Variants in PSMG2 observed in about 807,000 individuals in gnomAD.
PSMG2 encodes proteasome assembly chaperone 2.
A neutral mutation model predicts 31.5 loss-of-function variants in PSMG2; 21 were observed. The observed-to-expected ratio is 0.67, with a 90% CI of 0.47 to 0.96. The LOEUF is 0.96. Ranked by LOEUF, PSMG2 falls within the 40% of genes least tolerant of loss-of-function variation. The pLI is 0.00. For synonymous variants in PSMG2, 120 were observed against 110.4 expected, an observed-to-expected ratio of 1.09 and a Z score of -0.54; for missense variants, 318 against 321.2, an observed-to-expected ratio of 0.99 and a Z score of 0.08.
Position 12,706,585 on chromosome 18 carries a change from A to G in PSMG2, c.93A>G (p.Ala31=), listed in dbSNP as rs2040270936. Residue 31 remains alanine, a synonymous_variant, in exon 2 of 7, where the codon GCA becomes GCG. Transcript: ENST00000317615. ...AVSVGNVGQL[A]MDLIISTLNM... is the part of the protein sequence containing the mutation. ...CTGTTGGAAATGTTGGCCAGCTTGC[A>G]ATGGATCTGATTATTTCTACACTGA... 6.2e-7 allele frequency: 1 copy of G among 1,614,136 alleles called. No individual in the cohort carries two copies. The highest frequency in any genetic ancestry group is 1.1e-5 in the South Asian group (1 of 91,046).
chr18:12,724,574 T>A lies in PSMG2; in HGVS notation c.657T>A (p.Gly219=). The A allele has an allele frequency of 6.2e-7, 1 of 1,611,516 alleles. No individual in the cohort carries two copies. Among genetic ancestry groups the A allele is most frequent in the South Asian group, 1.1e-5 (1 of 90,470 alleles). The change falls in exon 6 of 7, where the codon GGT becomes GGA. Residue 219 remains glycine (G), a synonymous_variant. Coordinates refer to ENST00000317615, the MANE Select transcript of PSMG2 (RefSeq NM_020232.5). ...SEGDNIPDAL[G]LVEYLNEWLQ... ...GGGACAACATCCCAGATGCATTAGG[T>A]CTTGTTGAGTATCTTAATGAGTGGC...
intron 1 of PSMG2, among the ~76,000 whole-genome samples, chr18:12,674,260 G>A (rs1048730194): frequency 2.6e-5 from 4 of 151,830 alleles, no homozygotes; most frequent in African/African-American, 9.7e-5. Flanking sequence ...AACATAGGAA[G>A]ACCCCCATCT....
intron 4 of PSMG2, 115 bp from the exon 5 acceptor site, chr18:12,720,395 C>A: frequency 1.2e-6 from 1 of 810,640 alleles, no homozygotes. Flanking sequence ...CTTAAGTCTG[C>A]TGAAACTTGT....
At chr18:12,665,754 T>C (rs1451191644) in intron 1 of PSMG2, among the ~76,000 whole-genome samples, 1 of 152,170 alleles carries the variant, frequency 6.6e-6, no homozygotes, top group Non-Finnish European at 1.5e-5. Context: ...CTGGAGTGCA[T>C]TGGCACAATC....
At chr18:12,687,763 C>G (rs1042871729) in intron 1 of PSMG2, among the ~76,000 whole-genome samples, 2 of 151,140 alleles carry the variant, frequency 1.3e-5, no homozygotes, top group African/African-American at 4.9e-5. Flanking sequence ...TAGAGGGCAC[C>G]GATTTTTAAA....
chr18:12,724,948 A>T (rs2040463037), intron 6 of PSMG2: 1 of 351,122 alleles, frequency 2.8e-6, no homozygotes, highest in South Asian at 1.2e-4. Flanking sequence ...TTTTTTAGGG[A>T]AGTAAAAAGT....
rs1486773344 is a variant in PSMG2 at position 12,706,751 on chromosome 18, A to G, written c.229+30A>G. ...GTAAGACTTTACCTTGTATTTTTCC[A>G]CTACAAAGTAGAGTTGTTTTAAATT... On this transcript the variant is annotated intron_variant, in intron 2 of 6. Transcript: ENST00000317615. The G allele has an allele frequency of 1.9e-6, 3 of 1,559,200 alleles. No homozygotes were observed. The African/African-American group carries it at 4.1e-5, about 21-fold the overall frequency.
intron 1 of PSMG2, among the ~76,000 whole-genome samples, chr18:12,696,823 T>C (rs974862182): frequency 7.9e-5 from 12 of 152,180 alleles, no homozygotes; most frequent in Admixed American, 4.6e-4. Flanking sequence ...ACATCTACTC[T>C]GTATTTTGCA....
chr18:12,688,774 G>A (rs2039637779), intron 1 of PSMG2, among the ~76,000 whole-genome samples: 1 of 152,090 alleles, frequency 6.6e-6, no homozygotes, highest in African/African-American at 2.4e-5. Flanking sequence ...TACATGGCTG[G>A]TGGCTACCAT....
chr18:12,701,659 C>T (rs1411399978), upstream of PSMG2, among the ~76,000 whole-genome samples: 1 of 152,180 alleles, frequency 6.6e-6, no homozygotes, highest in Non-Finnish European at 1.5e-5. Flanking sequence ...ACTTCAGCAT[C>T]TTGCACTCAG....
At chr18:12,697,006 C>T (rs1002796560) in intron 1 of PSMG2, among the ~76,000 whole-genome samples, 2 of 152,128 alleles carry the variant, frequency 1.3e-5, no homozygotes, top group Admixed American at 1.3e-4. Flanking sequence ...AAACATTTCT[C>T]CTAAGACAAG....
intron 1 of PSMG2, among the ~76,000 whole-genome samples, chr18:12,664,819 C>T (rs980916902): frequency 1.3e-5 from 2 of 151,724 alleles, no homozygotes; most frequent in Non-Finnish European, 2.9e-5. Flanking sequence ...CTGCCTCAGC[C>T]TCCTGAGTAG....
At chr18:12,707,716 G>A (rs1048323446) in intron 2 of PSMG2, among the ~76,000 whole-genome samples, 2 of 152,294 alleles carry the variant, frequency 1.3e-5, no homozygotes, top group Middle Eastern at 3.4e-3. Context: ...TAACTGTTCT[G>A]GTGATCTTTC....
intron 1 of PSMG2, among the ~76,000 whole-genome samples, chr18:12,692,651 TCTA>T (rs747884670): frequency 6.6e-6 from 1 of 152,166 alleles, no homozygotes; most frequent in African/African-American, 2.4e-5. Flanking sequence ...TAAAACACCT[TCTA>T]CTATCTGATT....
chr18:12,673,326 C>A, intron 1 of PSMG2: 2 of 1,563,622 alleles, frequency 1.3e-6, no homozygotes, highest in Admixed American at 2.1e-5. Context: ...TGTAAAATTC[C>A]AATTAAACAC....
At chr18:12,706,479 T>C in intron 1 of PSMG2, 71 bp from the exon 2 acceptor site, 7 of 1,520,984 alleles carry the variant, frequency 4.6e-6, no homozygotes, top group Non-Finnish European at 6.4e-6. Context: ...AGAGGCAGAC[T>C]CTGTTTCAAA....
chr18:12,716,784 C>T (rs560066160), intron 3 of PSMG2, among the ~76,000 whole-genome samples: 1 of 151,854 alleles, frequency 6.6e-6, no homozygotes, highest in Non-Finnish European at 1.5e-5. Context: ...TTACTTAATC[C>T]TCATGACAAA....
At chr18:12,704,516 G>A (rs1179747639) in intron 1 of PSMG2, among the ~76,000 whole-genome samples, 2 of 152,174 alleles carry the variant, frequency 1.3e-5, no homozygotes, top group Admixed American at 6.6e-5. Flanking sequence ...TTGAGCCCAG[G>A]AAGCAGAGGC....
intron 1 of PSMG2, among the ~76,000 whole-genome samples, chr18:12,695,009 T>C (rs913493801): frequency 1.3e-5 from 2 of 152,092 alleles, no homozygotes; most frequent in Non-Finnish European, 2.9e-5. Context: ...GCCACCGGCC[T>C]ATCCTGTAAT....
Sources: allele counts gnomAD v4.1 joint callset (sites outside exome capture counted in the v4.1 genomes callset), GRCh38; gene constraint gnomAD v4.1.1; transcripts MANE v1.5; gene names NCBI Gene and HGNC (gene_info 2026-07-23, HGNC 2026-07-21).